TRPA1: variants seen among roughly 807,000 people sequenced by gnomAD.
TRPA1 encodes the protein ankyrin-like with transmembrane domains 1.
A neutral mutation model predicts 131.3 loss-of-function variants in TRPA1; 129 were observed. The observed-to-expected ratio is 0.98, with a 90% CI of 0.85 to 1.14. The LOEUF (loss-of-function observed/expected upper bound fraction) is 1.14. Ranked by LOEUF, TRPA1 falls within the 50% of genes most tolerant of loss-of-function variation. The pLI is 0.00. For missense variants in TRPA1, 1,304 were observed against 1,354.2 expected (o/e 0.96, Z 0.58); for synonymous variants, 441 against 451.7 (o/e 0.98, Z 0.30).
chr8:72,034,586 C>G (rs770247452), intron 21 of TRPA1, among the ~76,000 whole-genome samples: 1 of 152,138 alleles, frequency 6.6e-6, no homozygotes, highest in Non-Finnish European at 1.5e-5. Flanking sequence ...TGCTTTTATT[C>G]TCATTATTAA....
At chr8:72,032,041 G>A (rs1468107881) in intron 23 of TRPA1, among the ~76,000 whole-genome samples, 2 of 152,144 alleles carry the variant, frequency 1.3e-5, no homozygotes, top group East Asian at 1.9e-4. Flanking sequence ...GGAAGAGCCT[G>A]TACAGAGTCT....
rs1209181233 is a variant in TRPA1 at position 72,039,720 on chromosome 8, T to C, written c.2132+7A>G. The C allele has an allele frequency of 2.5e-6, 4 of 1,576,146 alleles. No homozygotes were observed. Among genetic ancestry groups the C allele is most frequent in the Middle Eastern group, 1.7e-4 (1 of 5,978 alleles). On this transcript the variant is annotated splice_region_variant and intron_variant, in intron 18 of 26. Transcript: ENST00000262209. The stretch of plus-strand genomic sequence containing the variant: ...GCATTAAACAAGAAATACTACTCAA[T>C]ACCCACCATTTCATGAGTAAATATT...
At chr8:72,023,241 G>A (rs768896710) in intron 26 of TRPA1, 125 bp from the exon 27 acceptor site, 65 of 764,592 alleles carry the variant, frequency 8.5e-5, no homozygotes, top group Non-Finnish European at 1.2e-4. Flanking sequence ...TTTTAACCTC[G>A]GTAGTCACAA....
rs1215628618 is a variant in TRPA1 at position 72,034,262 on chromosome 8, G to A, written c.2671C>T (p.Leu891Phe). ...AACTGTCTTACCTGTAAATTCAGGAGGATGTAAAAGCTGAGTCCAAAAGCC... is the reference window on the plus strand; with the variant it reads ...AACTGTCTTACCTGTAAATTCAGGAAGATGTAAAAGCTGAGTCCAAAAGCC... ...LLAFGLSFYI[L>F]LNLQDPFSSP... The change falls in exon 22 of 27, where the codon CTC becomes TTC. Residue 891 changes from leucine (L) to phenylalanine (F), a missense_variant. Transcript: ENST00000262209. 1.9e-6 allele frequency: 3 copies of A among 1,607,760 alleles called. No individual in the cohort carries two copies. The highest frequency in any genetic ancestry group is 1.7e-5 in the Admixed American group (1 of 59,764).
chr8:72,032,382 G>A (rs78574213), intron 23 of TRPA1, among the ~76,000 whole-genome samples: 5,093 of 152,254 alleles, frequency 0.033, 145 homozygotes, highest in Admixed American at 0.093. Flanking sequence ...CAAGCCAACC[G>A]GAAGCAGATG....
rs146580548 is a variant in TRPA1, at chr8:72,066,054, T to G, written c.445-496A>C. On this transcript the variant is annotated intron_variant, in intron 3 of 26. Transcript: ENST00000262209. Reference sequence around the variant, plus strand: ...CCAGTTATTTTTCTTTTACCTGGATTGCAAGAATTTTGGGACATGTCAGTG... The same window carrying G: ...CCAGTTATTTTTCTTTTACCTGGATGGCAAGAATTTTGGGACATGTCAGTG... Among the ~76,000 whole-genome samples the G allele has an allele frequency of 2.6e-3, 403 of 152,248 alleles. 3 individuals are homozygous for G. Among genetic ancestry groups the G allele is most frequent in the African/African-American group, 8.9e-3 (370 of 41,554 alleles).
intron 1 of TRPA1, among the ~76,000 whole-genome samples, chr8:72,072,344 T>A (rs1478177455): frequency 6.6e-6 from 1 of 152,188 alleles, no homozygotes; most frequent in East Asian, 1.9e-4. Flanking sequence ...TTAATATAAC[T>A]AAGAAAGGAT....
At chr8:72,053,501 T>C in intron 13 of TRPA1, 1 of 506,698 alleles carries the variant, frequency 2.0e-6, no homozygotes, top group Admixed American at 3.2e-5. Context: ...TACCATCAAA[T>C]TTCATTGGCC....
chr8:72,046,128 T>C (rs1407402660), intron 17 of TRPA1, among the ~76,000 whole-genome samples: 2 of 152,052 alleles, frequency 1.3e-5, no homozygotes, highest in Admixed American at 6.6e-5. Context: ...GTTACCTGTG[T>C]TGTCCATGGT....
At chr8:72,061,538 G>C in intron 7 of TRPA1, 87 bp downstream of exon 7, 1 of 1,509,894 alleles carries the variant, frequency 6.6e-7, no homozygotes, top group Non-Finnish European at 9.2e-7. Context: ...ATCTTTGCTA[G>C]CATTAGTGCT....
chr8:72,036,453 C>G lies in TRPA1; in HGVS notation c.2390G>C (p.Arg797Thr), dbSNP rs200192163. The G allele has an allele frequency of 3.1e-6, 5 of 1,613,100 alleles. No homozygotes were observed. Among genetic ancestry groups the G allele is most frequent in the South Asian group, 1.1e-5 (1 of 91,022 alleles). ...ATTGCTTATATCCATAAAATAATTC[C>G]TTTTCTGGGATAGAAAAGAATAAAA... ...KEAGQIFQQKRNYFMDISNVL... is the reference protein window; with the variant it reads ...KEAGQIFQQKTNYFMDISNVL... The change falls in exon 21 of 27, where the codon AGG becomes ACG. Residue 797 changes from arginine to threonine, a missense_variant. Arg to Thr is a moderately conservative substitution (Grantham distance 71). Coordinates refer to ENST00000262209, the MANE Select transcript of TRPA1 (RefSeq NM_007332.3).
chr8:72,033,135 C>G (rs911532219), intron 23 of TRPA1, among the ~76,000 whole-genome samples: 26 of 152,278 alleles, frequency 1.7e-4, no homozygotes, highest in Admixed American at 1.5e-3. Context: ...AGAGACTTCC[C>G]CACTTGAATC....
intron 2 of TRPA1, among the ~76,000 whole-genome samples, chr8:72,070,017 G>A (rs7011222): frequency 0.3 from 45,139 of 152,022 alleles, 7,058 homozygotes; most frequent in Middle Eastern, 0.43. Context: ...ACATATTTCT[G>A]CAATACCATA....
At chr8:72,045,180 G>A (rs1812385807) in intron 17 of TRPA1, among the ~76,000 whole-genome samples, 3 of 151,844 alleles carry the variant, frequency 2.0e-5, no homozygotes, top group African/African-American at 4.8e-5. Context: ...TACAGCAATG[G>A]TTAGTCAGTT....
chr8:72,038,058 T>C lies in TRPA1; in HGVS notation c.2310A>G (p.Ile770Met). The C allele has an allele frequency of 6.5e-7, 1 of 1,547,894 alleles. No individual in the cohort carries two copies. Among genetic ancestry groups the C allele is most frequent in the Non-Finnish European group, 8.9e-7 (1 of 1,123,048 alleles). ...AAAACACTAAAATCATACAAGTTTT[T>C]ATTAGATATGAATTCTAAAACAAAA... ...EILDTTNSYL[I>M]KTCMILVFLS... The change falls in exon 20 of 27, where the codon ATA becomes ATG. Residue 770 changes from isoleucine (I) to methionine (M), a missense_variant. Ile to Met is a conservative substitution (Grantham distance 10, BLOSUM62 1). Coordinates refer to ENST00000262209, the MANE Select transcript of TRPA1 (RefSeq NM_007332.3).
In TRPA1 at chr8:72,038,848, T is replaced by G. The variant is rs772102576; in HGVS notation, c.2295+17A>C. On this transcript the variant is annotated intron_variant, in intron 19 of 26. Coordinates refer to ENST00000262209, the MANE Select transcript of TRPA1 (RefSeq NM_007332.3). ...TTTTATAATCCTTTATTTTAGAAAG[T>G]TAAAATTTGAAATTACCGTGGTATC... The G allele has an allele frequency of 3.1e-6, 5 of 1,602,938 alleles. 1 individual carries two copies. In the South Asian group the frequency reaches 5.6e-5, roughly 18 times the overall value.
At chr8:72,058,215 A>G (rs1805721715) in intron 8 of TRPA1, among the ~76,000 whole-genome samples, 1 of 152,222 alleles carries the variant, frequency 6.6e-6, no homozygotes, top group Admixed American at 6.5e-5. Flanking sequence ...AGAAACATTT[A>G]CAAAACACCA....
intron 1 of TRPA1, 110 bp downstream of exon 1, chr8:72,075,189 G>A: frequency 1.2e-6 from 1 of 848,774 alleles, no homozygotes; most frequent in Non-Finnish European, 2.0e-6. Flanking sequence ...ACACCCCAAA[G>A]CTTGCAACCC....
chr8:72,053,012 AGAGAGAG>A (rs2129435272), intron 13 of TRPA1: 1 of 129,380 alleles, frequency 7.7e-6, no homozygotes, highest in Non-Finnish European at 1.4e-5. Flanking sequence ...AGAGAAAGAG[AGAGAGAG>A]AGAGAGAGAG....
Sources: allele counts gnomAD v4.1 joint callset (sites outside exome capture counted in the v4.1 genomes callset), GRCh38; gene constraint gnomAD v4.1.1; transcripts MANE v1.5; gene names NCBI Gene and HGNC (gene_info 2026-07-23, HGNC 2026-07-21).